The following TUT4 variants were observed in gnomAD, a reference collection of about 807,000 sequenced individuals.
TUT4 encodes terminal uridylyltransferase 4.
In TUT4, 36 loss-of-function variants were observed where a neutral mutation model predicts 192.2. The ratio of observed to expected loss-of-function variants is 0.19; its 90% CI spans 0.14 to 0.25. The LOEUF is 0.25. TUT4 is among the 10% of genes least tolerant of loss of function. TUT4 has a pLI of 1.00. For synonymous variants in TUT4, 618 were observed against 666.0 expected (o/e 0.93, Z 1.11); for missense variants, 1,493 against 1,957.2 (o/e 0.76, Z 4.47).
At chr1:52,540,371 C>G (rs1686233117) in intron 1 of TUT4, among the ~76,000 whole-genome samples, 1 of 151,710 alleles carries the variant, frequency 6.6e-6, no homozygotes, top group South Asian at 2.1e-4. Context: ...AAAAAAATTG[C>G]AGGGTGTGGT....
chr1:52,508,853 T>C (rs530610364), intron 4 of TUT4, among the ~76,000 whole-genome samples: 1 of 152,350 alleles, frequency 6.6e-6, no homozygotes, highest in South Asian at 2.1e-4. Context: ...TTCATATCTA[T>C]GTCTATGGGA....
chr1:52,484,278 A>T (rs1247981925), intron 9 of TUT4, among the ~76,000 whole-genome samples: 14 of 152,218 alleles, frequency 9.2e-5, no homozygotes, highest in Admixed American at 7.9e-4. Context: ...AATACAAATT[A>T]AAAAATACAG....
At chr1:52,496,187 T>A (rs1218435583) in intron 5 of TUT4, among the ~76,000 whole-genome samples, 1 of 152,118 alleles carries the variant, frequency 6.6e-6, no homozygotes, top group East Asian at 1.9e-4. Flanking sequence ...TTTAACTTCA[T>A]CCTCAGTTGT....
rs546945407 is a variant in TUT4 at position 52,488,582 on chromosome 1, A to T, written c.1515+327T>A. 2.6e-5 allele frequency among the ~76,000 whole-genome samples: 4 copies of T among 152,294 alleles called. No individual in the cohort carries two copies. The East Asian group carries it at 7.7e-4, about 29-fold the overall frequency. Reference sequence around the variant, plus strand: ...AATCTTAATGTATATACATCTTAAAACCTTACAAGTTTAACTTACAGTAAG... The same window carrying T: ...AATCTTAATGTATATACATCTTAAATCCTTACAAGTTTAACTTACAGTAAG... On this transcript the variant is annotated intron_variant, in intron 9 of 29. Coordinates refer to ENST00000257177, the MANE Select transcript of TUT4 (RefSeq NM_001009881.3).
intron 1 of TUT4, among the ~76,000 whole-genome samples, chr1:52,541,208 TAAAAAAAAAA>T (rs548079594): frequency 1.2e-5 from 1 of 84,602 alleles, no homozygotes; most frequent in Non-Finnish European, 2.5e-5. Flanking sequence ...GACTCTGTCT[TAAAAAAAAAA>T]AAAAAAAAAG....
At chr1:52,513,232 T>C (rs1222649538) in intron 3 of TUT4, among the ~76,000 whole-genome samples, 7 of 147,642 alleles carry the variant, frequency 4.7e-5, no homozygotes, top group African/African-American at 1.8e-4. Flanking sequence ...CAAAACACCA[T>C]CTCTAAAAAA....
rs188337877 is a variant in TUT4, at chr1:52,438,348, T to C, written c.3823-13A>G. 128 of 1,585,590 alleles carry C rather than the reference T, an allele frequency of 8.1e-5. No homozygotes were observed. In the African/African-American group the frequency reaches 1.3e-3, roughly 17 times the overall value. ...CAAAGAAGTACTCCTAGGGAGAAAA[T>C]GCAATTTTACTAGGAGGAATCACTA... On this transcript the variant is annotated splice_polypyrimidine_tract_variant and intron_variant, in intron 24 of 29. Transcript: ENST00000257177.
At chr1:52,461,282 CA>C (rs1032932264) in intron 18 of TUT4, 59 bp from the exon 19 acceptor site, 8 of 1,487,886 alleles carry the variant, frequency 5.4e-6, no homozygotes, top group Non-Finnish European at 7.3e-6. Flanking sequence ...AACTACAAAT[CA>C]GATTTAAAAG....
At chr1:52,544,205 A>G (rs11802609) in intron 1 of TUT4, among the ~76,000 whole-genome samples, 53,216 of 151,304 alleles carry the variant, frequency 0.35, 12,971 homozygotes, top group African/African-American at 0.7. Context: ...GGAGAATGGC[A>G]TGAACCTGGG....
intron 10 of TUT4, 55 bp downstream of exon 10, chr1:52,481,749 T>G: frequency 6.5e-7 from 1 of 1,549,712 alleles, no homozygotes; most frequent in Non-Finnish European, 8.6e-7. Context: ...CAGAGTTCTC[T>G]GCAAGAGCAA....
intron 7 of TUT4, among the ~76,000 whole-genome samples, chr1:52,492,434 G>GT (rs1373972650): frequency 1.3e-5 from 2 of 152,040 alleles, no homozygotes; most frequent in African/African-American, 4.8e-5. Context: ...CAGCAAAAAC[G>GT]TAATAAGAAG....
At chr1:52,443,086 C>T (rs1425037045) in intron 24 of TUT4, among the ~76,000 whole-genome samples, 2 of 148,644 alleles carry the variant, frequency 1.3e-5, no homozygotes, top group Non-Finnish European at 3.0e-5. Context: ...GAGTTCAAAA[C>T]CAGCCTGACC....
chr1:52,497,037 T>A lies in TUT4; in HGVS notation c.1146A>T (p.Glu382Asp). The A allele has an allele frequency of 6.2e-7, 1 of 1,613,274 alleles. No homozygotes were observed. The highest frequency in any genetic ancestry group is 8.5e-7 in the Non-Finnish European group (1 of 1,179,808). Residue 382 changes from glutamate to aspartate, a missense_variant, in exon 5 of 30, where the codon GAA becomes GAT. Coordinates refer to ENST00000257177, the MANE Select transcript of TUT4 (RefSeq NM_001009881.3). ...AAAATGTCGTTATAACCTTTGACAT[T>A]TCCTCCACAATTTCCTGACGGACTC... ...DLRVRQEIVE[E>D]MSKVITTFLP...
intron 1 of TUT4, among the ~76,000 whole-genome samples, chr1:52,535,418 G>C (rs1204081453): frequency 1.3e-5 from 2 of 151,848 alleles, no homozygotes; most frequent in Non-Finnish European, 2.9e-5. Flanking sequence ...TTGTTTCATA[G>C]TTATAATCTC....
At chr1:52,501,665 C>T (rs1674120351) in intron 4 of TUT4, among the ~76,000 whole-genome samples, 1 of 152,038 alleles carries the variant, frequency 6.6e-6, no homozygotes, top group Non-Finnish European at 1.5e-5. Context: ...CATCGATGTT[C>T]ACAGCAACAT....
At chr1:52,517,082 T>C (rs1022950817) in intron 2 of TUT4, among the ~76,000 whole-genome samples, 1 of 152,226 alleles carries the variant, frequency 6.6e-6, no homozygotes, top group African/African-American at 2.4e-5. Context: ...TCTCCATTGA[T>C]GCTCCCCCAT....
chr1:52,550,469 G>A (rs1279282246), intron 1 of TUT4, among the ~76,000 whole-genome samples: 1 of 149,666 alleles, frequency 6.7e-6, no homozygotes, highest in Admixed American at 6.7e-5. Flanking sequence ...AAAATGTTCT[G>A]GCATCAACAT....
intron 1 of TUT4, among the ~76,000 whole-genome samples, chr1:52,542,704 C>T (rs1687009645): frequency 6.6e-6 from 1 of 152,094 alleles, no homozygotes; most frequent in Non-Finnish European, 1.5e-5. Flanking sequence ...AAACCTTTTC[C>T]TCTAACATCA....
intron 9 of TUT4, among the ~76,000 whole-genome samples, 174 bp from the exon 10 acceptor site, chr1:52,482,097 A>G (rs116347488): frequency 0.022 from 3,355 of 152,200 alleles, 108 homozygotes; most frequent in African/African-American, 0.075. Context: ...GTTGATGATC[A>G]TTTTTTTCAT....
Sources: gnomAD v4.1 joint callset for allele counts (sites outside exome capture counted in the v4.1 genomes callset) on GRCh38, gnomAD v4.1.1 for gene constraint, MANE v1.5 for transcripts, NCBI Gene and HGNC (gene_info 2026-07-23, HGNC 2026-07-21) for gene names.